The following SLC18B1 variants were observed in gnomAD, a reference collection of about 807,000 sequenced individuals.
The protein encoded by SLC18B1 is solute carrier family 18 member B1.
SLC18B1 carries 62 observed loss-of-function variants against 53.9 expected under a neutral mutation model. The ratio of observed to expected loss-of-function variants is 1.15; its 90% confidence interval spans 0.94 to 1.42. SLC18B1 has a LOEUF of 1.42. SLC18B1 is among the 40% of genes most tolerant of loss of function. SLC18B1 has a pLI of 0.00. For synonymous variants in SLC18B1, 217 were observed against 200.9 expected, an observed-to-expected ratio of 1.08 and a Z score of -0.68; for missense variants, 598 against 547.3, an observed-to-expected ratio of 1.09 and a Z score of -0.93.
At chr6:132,770,960 C>A (rs373798849) in intron 12 of SLC18B1, 21 bp from the exon 13 acceptor site, 12 of 1,611,884 alleles carry the variant, frequency 7.4e-6, no homozygotes, top group Non-Finnish European at 1.0e-5. Flanking sequence ...ATTAAAAGTA[C>A]TGATTAATGT....
Position 132,772,988 on chromosome 6 carries a change from C to T in SLC18B1, c.1085+5G>A. ...ACAGCTCTTCAAGCAATGGAAGTAA[C>T]TTACTGTGCACAACTGAGAATTTCC... On this transcript the variant is annotated splice_donor_5th_base_variant and intron_variant, in intron 10 of 13. Transcript: ENST00000275227. The T allele has an allele frequency of 6.2e-7, 1 of 1,607,250 alleles. No homozygotes were observed. Among genetic ancestry groups the T allele is most frequent in the Non-Finnish European group, 8.5e-7 (1 of 1,174,008 alleles).
At chr6:132,792,244 A>AAGAAAGGAAGAAAGG (rs1781546103) in intron 2 of SLC18B1, among the ~76,000 whole-genome samples, 1 of 13,920 alleles carries the variant, frequency 7.2e-5, no homozygotes, top group African/African-American at 3.7e-4. Flanking sequence ...AGAAAGAAAG[A>AAGAAAGGAAGAAAGG]AAGAAAGAAA....
At position 132,776,362 on chromosome 6, in the gene SLC18B1, G is replaced by A. The variant is rs373017927; in HGVS notation, c.863C>T (p.Ser288Leu). 12 of 1,613,356 alleles carry A rather than the reference G, an allele frequency of 7.4e-6. No homozygotes were observed. In the South Asian group the frequency reaches 7.7e-5, roughly 10 times the overall value. ...ATCACTTAGGAGACCAAATAGTGGT[G>A]AAGAGATGGCATAGGACAGTGCCAT... is the stretch of plus-strand genomic sequence containing the variant. ...LGMALSYAIS[S>L]PLFGLLSDKR... Residue 288 changes from serine (S) to leucine (L), a missense_variant, in exon 8 of 14, where the codon TCA becomes TTA. Physicochemically the swap from Ser to Leu is moderately radical, Grantham distance 145. Coordinates refer to ENST00000275227, the MANE Select transcript of SLC18B1 (RefSeq NM_052831.3).
chr6:132,772,558 C>T (rs761963139), intron 10 of SLC18B1, among the ~76,000 whole-genome samples: 1 of 151,994 alleles, frequency 6.6e-6, no homozygotes, highest in Non-Finnish European at 1.5e-5. Context: ...TTCCTTATTC[C>T]CATGAGAACT....
chr6:132,776,224 A>T, intron 8 of SLC18B1, 104 bp downstream of exon 8: 1 of 843,888 alleles, frequency 1.2e-6, no homozygotes, highest in South Asian at 1.6e-5. Context: ...CCAATTGAAT[A>T]TATCAAGTCT....
At chr6:132,794,005 C>T (rs1781609588) in intron 2 of SLC18B1, among the ~76,000 whole-genome samples, 1 of 152,300 alleles carries the variant, frequency 6.6e-6, no homozygotes, top group Non-Finnish European at 1.5e-5. Context: ...GTTGCACTCA[C>T]TGAGTTCCAG....
rs1780920705 is a variant in SLC18B1 at position 132,769,654 on chromosome 6, G to A, written c.*616C>T. The A allele has an allele frequency of 6.6e-6, 1 of 152,212 alleles. No individual in the cohort carries two copies. Among genetic ancestry groups the A allele is most frequent in the Non-Finnish European group, 1.5e-5 (1 of 68,036 alleles). 9.4% of individuals were successfully genotyped at this position (152,212 alleles called of 1,614,324 possible). ...TACAAAAATGGAAGTTGTAAGTATTGTTATTCTTGTACTTTTCACACAAAC... is the reference window on the plus strand; with the variant it reads ...TACAAAAATGGAAGTTGTAAGTATTATTATTCTTGTACTTTTCACACAAAC... On this transcript the variant is annotated 3_prime_UTR_variant, in exon 14 of 14. Coordinates refer to ENST00000275227, the MANE Select transcript of SLC18B1 (RefSeq NM_052831.3).
rs562019971 is a variant in SLC18B1, at chr6:132,783,939, T to C, written c.652A>G (p.Asn218Asp). The C allele has an allele frequency of 1.3e-6, 2 of 1,588,320 alleles. No individual in the cohort carries two copies. Among genetic ancestry groups the C allele is most frequent in the Admixed American group, 1.8e-5 (1 of 55,014 alleles). Residue 218 changes from asparagine (N) to aspartate (D), a missense_variant, in exon 6 of 14, where the codon AAT (asparagine) becomes GAT (aspartate). Physicochemically the swap from Asn to Asp is conservative, Grantham distance 23. Coordinates refer to ENST00000275227, the MANE Select transcript of SLC18B1 (RefSeq NM_052831.3). ...GTAATAAGTGTGGACTTACCGTAAT[T>C]GGGTAAAATATACATATTGAGTGGT... Reference protein sequence around the residue: ...MVPLNMYILPNYESDPGEHSF... With the variant: ...MVPLNMYILPDYESDPGEHSF...
chr6:132,773,983 CAGA>C (rs1356034488), intron 9 of SLC18B1, among the ~76,000 whole-genome samples: 1 of 151,928 alleles, frequency 6.6e-6, no homozygotes, highest in Non-Finnish European at 1.5e-5. Context: ...AATTGAAATA[CAGA>C]AGGAGAATAT....
intron 2 of SLC18B1, among the ~76,000 whole-genome samples, chr6:132,793,070 G>A (rs1351845743): frequency 6.6e-6 from 1 of 152,154 alleles, no homozygotes; most frequent in Non-Finnish European, 1.5e-5. Context: ...GCAGTAAGCT[G>A]AGACGATGCC....
intron 2 of SLC18B1, among the ~76,000 whole-genome samples, chr6:132,792,225 C>A (rs113162447): frequency 0.047 from 2,094 of 44,772 alleles, 165 homozygotes; most frequent in African/African-American, 0.14. Context: ...AAGACACTGT[C>A]AGAAAGAAAG....
At chr6:132,790,967 T>C (rs1781508483) in intron 2 of SLC18B1, among the ~76,000 whole-genome samples, 1 of 152,238 alleles carries the variant, frequency 6.6e-6, no homozygotes, top group Non-Finnish European at 1.5e-5. Flanking sequence ...ATAATATTTA[T>C]CATAAATCTA....
intron 2 of SLC18B1, among the ~76,000 whole-genome samples, chr6:132,791,122 T>G (rs1010192775): frequency 6.6e-6 from 1 of 152,194 alleles, no homozygotes; most frequent in Admixed American, 6.5e-5. Flanking sequence ...AATCAAAATA[T>G]GAGTTTAATT....
chr6:132,787,943 C>T (rs1030068798), intron 4 of SLC18B1, among the ~76,000 whole-genome samples: 4 of 151,960 alleles, frequency 2.6e-5, no homozygotes, highest in African/African-American at 4.8e-5. Flanking sequence ...AGGCAAATCA[C>T]GAAGTCAGGA....
chr6:132,790,087 T>C (rs1197571418), intron 3 of SLC18B1, 90 bp downstream of exon 3: 1 of 952,818 alleles, frequency 1.0e-6, no homozygotes, highest in Admixed American at 2.6e-5. Context: ...TGGCTATTTC[T>C]GTATCAATGC....
chr6:132,789,834 C>T lies in SLC18B1; in HGVS notation c.283G>A (p.Val95Ile). 6.2e-7 allele frequency: 1 copy of T among 1,608,682 alleles called. No homozygotes were observed. The highest frequency in any genetic ancestry group is 1.1e-5 in the South Asian group (1 of 90,926). ...AACATAAATTTTGCTCCAATATGTACAAGCTATAATAAATGTCAAAGAAGA... is the reference window on the plus strand; with the variant it reads ...AACATAAATTTTGCTCCAATATGTATAAGCTATAATAAATGTCAAAGAAGA... ...LASLVFGNYL[V>I]HIGAKFMFVA... The change falls in exon 4 of 14, where the codon GTA becomes ATA. Residue 95 changes from valine to isoleucine, a missense_variant. By Grantham distance (29) the Val-to-Ile change is conservative. Transcript: ENST00000275227.
intron 6 of SLC18B1, among the ~76,000 whole-genome samples, chr6:132,782,806 A>C (rs1781270710): frequency 6.7e-6 from 1 of 148,890 alleles, no homozygotes; most frequent in South Asian, 2.1e-4. Context: ...ATGGAGTCTC[A>C]CTTTGTTGTC....
chr6:132,781,583 G>C (rs1460827415), intron 6 of SLC18B1, among the ~76,000 whole-genome samples: 1 of 151,376 alleles, frequency 6.6e-6, no homozygotes, highest in Non-Finnish European at 1.5e-5. Context: ...ATAGTGAAAC[G>C]CTGTCTCTAC....
chr6:132,788,906 G>A lies in SLC18B1; in HGVS notation c.353+858C>T, dbSNP rs143088881. On this transcript the variant is annotated intron_variant, in intron 4 of 13. Transcript: ENST00000275227. The stretch of plus-strand genomic sequence containing the variant: ...AAAGCACCCAGTTTCGATCTCTCCC[G>A]TAGTCAGACTGAAACCTTCAAAAAA... Among the ~76,000 whole-genome samples, 350 of 125,360 alleles carry A rather than the reference G, an allele frequency of 2.8e-3. 2 individuals carry two copies. The highest frequency in any genetic ancestry group is 0.01 in the African/African-American group (333 of 32,544). The allele number at this position is 125,360 out of a possible 152,430, so 82.2% of individuals were successfully genotyped here.
Sources: allele counts gnomAD v4.1 joint callset (sites outside exome capture counted in the v4.1 genomes callset), GRCh38; gene constraint gnomAD v4.1.1; transcripts MANE v1.5; gene names NCBI Gene and HGNC (gene_info 2026-07-23, HGNC 2026-07-21).